Variants in TRIM23 observed in about 807,000 individuals in gnomAD.
TRIM23 encodes the protein tripartite motif containing 23.
In TRIM23, 27 loss-of-function variants were observed where a neutral mutation model predicts 71.0. That is an observed-to-expected ratio of 0.38 (90% CI 0.28 to 0.52). The LOEUF (loss-of-function observed/expected upper bound fraction) is 0.52, where lower values mean the gene tolerates loss of function less well. Among genes scored for constraint, TRIM23 ranks in the 20% least tolerant of loss-of-function variants. The pLI is 0.84. For synonymous variants in TRIM23, 234 were observed against 238.0 expected, an observed-to-expected ratio of 0.98 and a Z score of 0.16; for missense variants, 482 against 692.3, an observed-to-expected ratio of 0.70 and a Z score of 3.41.
chr5:65,620,022 T>A (rs1201666201), intron 1 of TRIM23, among the ~76,000 whole-genome samples: 1 of 151,984 alleles, frequency 6.6e-6, no homozygotes, highest in Non-Finnish European at 1.5e-5. Flanking sequence ...GAGGCGGAGG[T>A]TGCAGTGAGC....
At position 65,611,656 on chromosome 5, in the gene TRIM23, T is replaced by A; in HGVS notation, c.592A>T (p.Ser198Cys). 1 of 1,614,234 alleles carries A rather than the reference T, an allele frequency of 6.2e-7. No individual in the cohort carries two copies. The highest frequency in any genetic ancestry group is 1.7e-5 in the Admixed American group (1 of 60,026). The change falls in exon 4 of 11, where the codon AGC (serine) becomes TGC (cysteine). Residue 198 changes from serine (S) to cysteine (C), a missense_variant. Physicochemically the swap from Ser to Cys is moderately radical, Grantham distance 112. Around this residue, in one of 2 missense-constraint regions of TRIM23, gnomAD observed 307 missense variants for 495.8 expected, o/e 0.62. Transcript: ENST00000231524. ...TTGCAGACACAGCACATGAGTGGGC[T>A]AGTTTGACAACCTTCTTCCAAGCAA... ...FVCLEEGCQTSPLMCCVCKEY... is the reference protein window; with the variant it reads ...FVCLEEGCQTCPLMCCVCKEY...
chr5:65,607,965 G>A (rs949001541), intron 6 of TRIM23, among the ~76,000 whole-genome samples: 4 of 152,022 alleles, frequency 2.6e-5, no homozygotes, highest in African/African-American at 9.7e-5. Context: ...AGGTCAAATC[G>A]GAAGACACAA....
intron 6 of TRIM23, among the ~76,000 whole-genome samples, chr5:65,607,574 C>T (rs1754541933): frequency 6.6e-6 from 1 of 152,156 alleles, no homozygotes; most frequent in Non-Finnish European, 1.5e-5. Flanking sequence ...CCATGCAAAC[C>T]TGTAAATTAA....
intron 9 of TRIM23, among the ~76,000 whole-genome samples, chr5:65,594,954 A>G (rs1484198296): frequency 6.6e-6 from 1 of 152,218 alleles, no homozygotes; most frequent in Admixed American, 6.5e-5. Flanking sequence ...AATATGCCTC[A>G]TGATCCTCTA....
intron 4 of TRIM23, 81 bp downstream of exon 4, chr5:65,611,522 A>G (rs1375528153): frequency 1.4e-6 from 2 of 1,476,646 alleles, no homozygotes; most frequent in South Asian, 1.3e-5. Flanking sequence ...CTTTCAGAAT[A>G]AAGAACCAGG....
chr5:65,623,917 G>A (rs1175238015), intron 1 of TRIM23, among the ~76,000 whole-genome samples: 2 of 152,190 alleles, frequency 1.3e-5, no homozygotes, highest in African/African-American at 4.8e-5. Context: ...AAAAGCAGAG[G>A]ACCTGGAGAA....
At position 65,591,966 on chromosome 5, in the gene TRIM23, A is replaced by G. The variant is rs755960542; in HGVS notation, c.1546-18T>C. 2.4e-5 allele frequency: 39 copies of G among 1,603,122 alleles called. No homozygotes were observed. The highest frequency in any genetic ancestry group is 1.7e-4 in the Middle Eastern group (1 of 6,038). ...GCAACATCCTGAAAGATATATACAC[A>G]TATTTTTTATCAGTCCATCCAAATT... is the stretch of plus-strand genomic sequence containing the variant. On this transcript the variant is annotated intron_variant, in intron 10 of 10. Coordinates refer to ENST00000231524, the MANE Select transcript of TRIM23 (RefSeq NM_001656.4).
rs1754662892 is a variant in TRIM23 at position 65,612,003 on chromosome 5, T to C, written c.367-122A>G. ...AACAATATTTACATATGAAAATATA[T>C]TGGTCATTAAGAACAAAGGTCATTC... On this transcript the variant is annotated intron_variant, in intron 3 of 10. Coordinates refer to ENST00000231524, the MANE Select transcript of TRIM23 (RefSeq NM_001656.4). 4 of 954,234 alleles carry C rather than the reference T, an allele frequency of 4.2e-6. No homozygotes were observed. In the South Asian group the frequency reaches 5.4e-5, roughly 13 times the overall value. The allele number at this position is 954,234 out of a possible 1,614,324, so 59.1% of individuals were successfully genotyped here.
chr5:65,602,336 G>T (rs556058002), intron 7 of TRIM23, among the ~76,000 whole-genome samples: 15 of 152,238 alleles, frequency 9.9e-5, no homozygotes, highest in Admixed American at 2.0e-4. Flanking sequence ...ACAGTAACAA[G>T]AGTCACCTTC....
intron 1 of TRIM23, among the ~76,000 whole-genome samples, chr5:65,620,271 T>TA (rs1754895576): frequency 6.6e-6 from 1 of 152,136 alleles, no homozygotes; most frequent in African/African-American, 2.4e-5. Flanking sequence ...TGACAATACT[T>TA]ACCAAATTTA....
intron 1 of TRIM23, among the ~76,000 whole-genome samples, chr5:65,622,056 C>T (rs369689459): frequency 6.6e-6 from 1 of 152,098 alleles, no homozygotes; most frequent in Non-Finnish European, 1.5e-5. Flanking sequence ...TGGTCTCAAA[C>T]TCTGGGGCTC....
chr5:65,596,957 A>C (rs1754225433), intron 8 of TRIM23, 94 bp downstream of exon 8: 1 of 1,476,894 alleles, frequency 6.8e-7, no homozygotes, highest in African/African-American at 1.4e-5. Flanking sequence ...AAAAGAGCCC[A>C]CCACCATGAC....
Position 65,596,487 on chromosome 5 carries a change from T to G in TRIM23, c.1354A>C (p.Ile452Leu). 6.2e-7 allele frequency: 1 copy of G among 1,611,868 alleles called. No individual in the cohort carries two copies. Among genetic ancestry groups the G allele is most frequent in the East Asian group, 2.2e-5 (1 of 44,770 alleles). The change falls in exon 9 of 11, where the codon ATT becomes CTT. Residue 452 changes from isoleucine to leucine, a missense_variant. Coordinates refer to ENST00000231524, the MANE Select transcript of TRIM23 (RefSeq NM_001656.4). ...TVEYKNLKFT[I>L]WDVGGKHKLR... Reference sequence around the variant, plus strand: ...TTGTGTTTTCCACCTACATCCCAAATAGTGAATTTTAGATTTTTATATTCT... The same window carrying G: ...TTGTGTTTTCCACCTACATCCCAAAGAGTGAATTTTAGATTTTTATATTCT...
chr5:65,619,211 T>C (rs888287720), intron 1 of TRIM23, among the ~76,000 whole-genome samples: 2 of 152,188 alleles, frequency 1.3e-5, no homozygotes, highest in Admixed American at 1.3e-4. Context: ...CAACAGCTTA[T>C]AGTTCTCAGA....
At position 65,591,512 on chromosome 5, in the gene TRIM23, CAAAT is replaced by C; in HGVS notation, c.*253_*256del. The C allele has an allele frequency of 6.5e-7, 1 of 1,547,868 alleles. No individual in the cohort carries two copies. Among genetic ancestry groups the C allele is most frequent in the Non-Finnish European group, 8.8e-7 (1 of 1,138,402 alleles). On this transcript the variant is annotated 3_prime_UTR_variant, in exon 11 of 11. Coordinates refer to ENST00000231524, the MANE Select transcript of TRIM23 (RefSeq NM_001656.4). ...CATATTATCTGAAAAACTTAAATAA[CAAAT>C]ATACTTTTTAAAAGAATGTATATTC...
Position 65,618,105 on chromosome 5 carries a change from C to T in TRIM23, c.232G>A (p.Val78Ile), listed in dbSNP as rs1581191483. The change falls in exon 2 of 11, where the codon GTA (valine) becomes ATA (isoleucine). Residue 78 changes from valine (V) to isoleucine (I), a missense_variant. Val to Ile is a conservative substitution (Grantham distance 29, BLOSUM62 3). Coordinates refer to ENST00000231524, the MANE Select transcript of TRIM23 (RefSeq NM_001656.4). ...ATACTTTTCCTACCTAGGTCTGTTA[C>T]TTGTCGATCAAATGGGCAACGGATT... ...RAIRCPFDRQ[V>I]TDLGDSGVWG... is the part of the protein sequence containing the mutation. 6.2e-7 allele frequency: 1 copy of T among 1,612,088 alleles called. No individual in the cohort carries two copies. Among genetic ancestry groups the T allele is most frequent in the Non-Finnish European group, 8.5e-7 (1 of 1,179,216 alleles).
In TRIM23 at chr5:65,591,275, A is replaced by G; in HGVS notation, c.*494T>C. The G allele has an allele frequency of 7.4e-7, 1 of 1,353,544 alleles. No individual in the cohort carries two copies. Among genetic ancestry groups the G allele is most frequent in the Non-Finnish European group, 9.5e-7 (1 of 1,055,190 alleles). 83.8% of individuals were successfully genotyped at this position (1,353,544 alleles called of 1,614,324 possible). A position where few individuals can be genotyped will look rare whatever the true frequency, so the allele number is the denominator to read the frequency against. ...AAGTAATCCTATTATCCAAATATGT[A>G]GTTTGGATTCTATTTCATTAAGCAA... On this transcript the variant is annotated 3_prime_UTR_variant, in exon 11 of 11. Transcript: ENST00000231524.
chr5:65,594,772 G>T, intron 9 of TRIM23, 127 bp from the exon 10 acceptor site: 1 of 887,610 alleles, frequency 1.1e-6, no homozygotes, highest in Non-Finnish European at 1.6e-6. Context: ...TTTTCACACA[G>T]AGGGTGCCTA....
In TRIM23 at chr5:65,611,673, T is replaced by A. The variant is rs1754653950; in HGVS notation, c.575A>T (p.Glu192Val). Residue 192 changes from glutamate to valine, a missense_variant, in exon 4 of 11, where the codon GAA becomes GTA. By Grantham distance (121) the Glu-to-Val change is moderately radical. Around this residue, in one of 2 missense-constraint regions of TRIM23, gnomAD observed 307 missense variants for 495.8 expected, o/e 0.62. Coordinates refer to ENST00000231524, the MANE Select transcript of TRIM23 (RefSeq NM_001656.4). ...GAGTGGGCTAGTTTGACAACCTTCT[T>A]CCAAGCAAACAAACTCAATGGCATG... ...QVHAIEFVCLEEGCQTSPLMC... is the reference protein window; with the variant it reads ...QVHAIEFVCLVEGCQTSPLMC... 1 of 1,614,064 alleles carries A rather than the reference T, an allele frequency of 6.2e-7. No individual in the cohort carries two copies. Among genetic ancestry groups the A allele is most frequent in the Non-Finnish European group, 8.5e-7 (1 of 1,180,036 alleles).
Sources: allele counts gnomAD v4.1 joint callset (sites outside exome capture counted in the v4.1 genomes callset), GRCh38; gene constraint gnomAD v4.1.1; regional missense constraint gnomAD v4.1.1; transcripts MANE v1.5; gene names NCBI Gene and HGNC (gene_info 2026-07-23, HGNC 2026-07-21).